Variants in CNTNAP2 observed in about 807,000 individuals in gnomAD.
CNTNAP2 encodes contactin-associated protein-like 2.
CNTNAP2 carries 98 observed loss-of-function variants against 155.2 expected under a neutral mutation model. That is an observed-to-expected ratio of 0.63 (90% CI 0.54 to 0.75). The LOEUF (loss-of-function observed/expected upper bound fraction) is 0.75. Ranked by LOEUF, CNTNAP2 falls within the 30% of genes least tolerant of loss-of-function variation. The probability of loss-of-function intolerance (pLI) is 0.00; values close to 1 mark genes in which losing one functional copy is unlikely to be tolerated. For synonymous variants in CNTNAP2, 651 were observed against 631.2 expected (o/e 1.03, Z -0.47); for missense variants, 1,727 against 1,688.1 (o/e 1.02, Z -0.40).
intron 13 of CNTNAP2, among the ~76,000 whole-genome samples, chr7:147,874,795 C>T (rs1028186960): frequency 6.6e-6 from 1 of 152,196 alleles, no homozygotes; most frequent in Admixed American, 6.5e-5. Flanking sequence ...TGCTCTGCTT[C>T]ATCTTGAATG....
chr7:147,909,387 C>T (rs193127586), intron 14 of CNTNAP2, among the ~76,000 whole-genome samples: 19 of 152,220 alleles, frequency 1.2e-4, no homozygotes, highest in African/African-American at 4.3e-4. Context: ...AGATTGAATA[C>T]TTATTCTTAT....
intron 3 of CNTNAP2, among the ~76,000 whole-genome samples, chr7:146,932,398 A>C (rs577408555): frequency 2.6e-4 from 39 of 151,846 alleles, no homozygotes; most frequent in African/African-American, 9.0e-4. Flanking sequence ...CCTTCATGCT[A>C]AAAACTCTCA....
Position 148,283,311 on chromosome 7 carries a change from GGAAGGAA to G in CNTNAP2, c.3475+16187_3475+16193del, listed in dbSNP as rs1563024825. ...AGAAAGAAAGAAAGAAAGAAAGGAA[GGAAGGAA>G]GGAAAGAAAGAAAGAATTCTTATTA... On this transcript the variant is annotated intron_variant, in intron 21 of 23. Coordinates refer to ENST00000361727, the MANE Select transcript of CNTNAP2 (RefSeq NM_014141.6). 7.6e-4 allele frequency among the ~76,000 whole-genome samples: 44 copies of G among 58,260 alleles called. 3 individuals carry two copies. Among genetic ancestry groups the G allele is most frequent in the African/African-American group, 3.9e-3 (43 of 11,160 alleles). The allele number at this position is 58,260 out of a possible 152,430, so 38.2% of individuals were successfully genotyped here. A position where few individuals can be genotyped will look rare whatever the true frequency, so the allele number is the denominator to read the frequency against.
intron 15 of CNTNAP2, among the ~76,000 whole-genome samples, chr7:148,001,186 G>T (rs552057778): frequency 1.3e-5 from 2 of 152,346 alleles, no homozygotes; most frequent in South Asian, 4.1e-4. Flanking sequence ...AATGGGGAAT[G>T]ATATTCAACC....
chr7:147,524,813 A>G (rs1228107769), intron 11 of CNTNAP2, among the ~76,000 whole-genome samples: 1 of 152,210 alleles, frequency 6.6e-6, no homozygotes. Context: ...AACAAAGGGA[A>G]GGGAGAGAAA....
At chr7:147,794,605 G>A (rs1025638764) in intron 13 of CNTNAP2, among the ~76,000 whole-genome samples, 4 of 151,476 alleles carry the variant, frequency 2.6e-5, no homozygotes, top group African/African-American at 9.7e-5. Context: ...TTTTTTTCTG[G>A]TGATGTCTTT....
At chr7:146,426,337 C>T (rs2693422) in intron 1 of CNTNAP2, among the ~76,000 whole-genome samples, 5,347 of 150,280 alleles carry the variant, frequency 0.036, 338 homozygotes, top group African/African-American at 0.12. Flanking sequence ...TCACGTTTGC[C>T]TCAGTGTCTT....
chr7:147,913,713 C>T (rs879185754), intron 14 of CNTNAP2, among the ~76,000 whole-genome samples: 2 of 152,166 alleles, frequency 1.3e-5, no homozygotes, highest in Admixed American at 1.3e-4. Context: ...TATGTTCCTC[C>T]TCCAACACTC....
At chr7:147,867,137 AG>A (rs1205249833) in intron 13 of CNTNAP2, among the ~76,000 whole-genome samples, 1 of 152,174 alleles carries the variant, frequency 6.6e-6, no homozygotes, top group Non-Finnish European at 1.5e-5. Context: ...CTTGTAGGGC[AG>A]GCCTGGTGGT....
At chr7:146,988,562 T>A (rs1798156179) in intron 3 of CNTNAP2, among the ~76,000 whole-genome samples, 1 of 152,130 alleles carries the variant, frequency 6.6e-6, no homozygotes, top group Non-Finnish European at 1.5e-5. Context: ...AAATGACTTA[T>A]TTGGGTAGGG....
intron 15 of CNTNAP2, among the ~76,000 whole-genome samples, chr7:148,052,525 C>T (rs1775978584): frequency 6.6e-6 from 1 of 152,100 alleles, no homozygotes. Flanking sequence ...TTTTGCAAGA[C>T]AGATCAATAA....
intron 18 of CNTNAP2, among the ~76,000 whole-genome samples, chr7:148,193,175 T>C (rs1405387795): frequency 6.6e-6 from 1 of 152,170 alleles, no homozygotes; most frequent in Non-Finnish European, 1.5e-5. Context: ...TAATAGGATT[T>C]TGGAAATACC....
At chr7:147,590,186 T>C (rs562887952) in intron 12 of CNTNAP2, among the ~76,000 whole-genome samples, 1 of 152,310 alleles carries the variant, frequency 6.6e-6, no homozygotes, top group African/African-American at 2.4e-5. Flanking sequence ...TTTTCTTTCC[T>C]CATCCTATCT....
rs559047454 is a variant in CNTNAP2, at chr7:146,338,484, G to A, written c.97+221511G>A. Among the ~76,000 whole-genome samples, 14 of 152,122 alleles carry A rather than the reference G, an allele frequency of 9.2e-5. No individual in the cohort carries two copies. In the South Asian group the frequency reaches 2.7e-3, roughly 29 times the overall value. On this transcript the variant is annotated intron_variant, in intron 1 of 23. Coordinates refer to ENST00000361727, the MANE Select transcript of CNTNAP2 (RefSeq NM_014141.6). ...AAAGACCATCAATAGAGGATTACTCGTAGCCCATCTAATTTTGGAAAACAA... is the reference window on the plus strand; with the variant it reads ...AAAGACCATCAATAGAGGATTACTCATAGCCCATCTAATTTTGGAAAACAA...
intron 1 of CNTNAP2, among the ~76,000 whole-genome samples, chr7:146,711,520 C>T (rs1801072266): frequency 6.7e-6 from 1 of 148,890 alleles, no homozygotes; most frequent in African/African-American, 2.4e-5. Flanking sequence ...CCTGGAACAG[C>T]TTAGACATAA....
intron 9 of CNTNAP2, among the ~76,000 whole-genome samples, chr7:147,376,154 A>G (rs948242465): frequency 6.6e-6 from 1 of 152,060 alleles, no homozygotes; most frequent in Non-Finnish European, 1.5e-5. Flanking sequence ...ACATTTATGG[A>G]TTCATCATTA....
At chr7:146,235,218 C>G (rs976914533) in intron 1 of CNTNAP2, among the ~76,000 whole-genome samples, 1 of 151,170 alleles carries the variant, frequency 6.6e-6, no homozygotes, top group African/African-American at 2.4e-5. Context: ...TTTTTCCTTT[C>G]TACATCCTTT....
intron 1 of CNTNAP2, among the ~76,000 whole-genome samples, chr7:146,210,399 G>C (rs1323059634): frequency 6.6e-6 from 1 of 152,148 alleles, no homozygotes; most frequent in South Asian, 2.1e-4. Context: ...CGCCTCCCGG[G>C]TTCAAGTGAT....
At chr7:147,020,075 G>A (rs939988486) in intron 3 of CNTNAP2, among the ~76,000 whole-genome samples, 1 of 152,016 alleles carries the variant, frequency 6.6e-6, no homozygotes, top group Non-Finnish European at 1.5e-5. Flanking sequence ...GTATAGTATA[G>A]CTATAGTGTA....
Sources: allele counts gnomAD v4.1 joint callset (sites outside exome capture counted in the v4.1 genomes callset), GRCh38; gene constraint gnomAD v4.1.1; transcripts MANE v1.5; gene names NCBI Gene and HGNC (gene_info 2026-07-23, HGNC 2026-07-21).